CAND2: variants seen among roughly 807,000 people sequenced by gnomAD.
CAND2 encodes the protein cullin associated and neddylation dissociated 2 (putative).
In CAND2, 62 loss-of-function variants were observed where a neutral mutation model predicts 98.9. The observed-to-expected ratio is 0.63, with a 90% CI of 0.51 to 0.77. CAND2 has a LOEUF of 0.77. Among genes scored for constraint, CAND2 ranks in the 30% least tolerant of loss-of-function variants. CAND2 has a pLI of 0.00. For synonymous variants in CAND2, 770 were observed against 731.9 expected (o/e 1.05, Z -0.84); for missense variants, 1,501 against 1,655.2 (o/e 0.91, Z 1.62).
chr3:12,821,248 A>G (rs1425508607), intron 11 of CAND2, among the ~76,000 whole-genome samples: 1 of 151,750 alleles, frequency 6.6e-6, no homozygotes. Context: ...AAAAAAAAAA[A>G]AATTAGTTGG....
At chr3:12,800,467 A>G (rs940129924) in intron 1 of CAND2, among the ~76,000 whole-genome samples, 1 of 152,202 alleles carries the variant, frequency 6.6e-6, no homozygotes, top group Non-Finnish European at 1.5e-5. Flanking sequence ...CAGCAGGGTC[A>G]GTAAAAGCTG....
intron 1 of CAND2, among the ~76,000 whole-genome samples, chr3:12,798,956 GA>G (rs2061746502): frequency 1.3e-5 from 1 of 79,740 alleles, no homozygotes; most frequent in East Asian, 2.5e-4. Context: ...AGGTGGGGTG[GA>G]GGGAGACCTT....
In CAND2 at chr3:12,815,456, C is replaced by G; in HGVS notation, c.1299+23C>G. ...CAGGTGGGCGTGCCTTCACCTCCAC[C>G]CCTACCCCCGATTTGCCTACCCAGC... On this transcript the variant is annotated intron_variant, in intron 8 of 14. Coordinates refer to ENST00000456430, the MANE Select transcript of CAND2 (RefSeq NM_001162499.2). The surrounding 1 kb of genome is among the most constrained non-coding windows in gnomAD (Gnocchi z 5.7). 17 of 1,589,582 alleles carry G rather than the reference C, an allele frequency of 1.1e-5. No homozygotes were observed. Among genetic ancestry groups the G allele is most frequent in the Non-Finnish European group, 1.4e-5 (16 of 1,164,188 alleles).
Position 12,803,642 on chromosome 3 carries a change from G to T in CAND2, c.212+11G>T, listed in dbSNP as rs200725761. 1.4e-4 allele frequency: 224 copies of T among 1,591,590 alleles called. 2 individuals are homozygous for T. The South Asian group carries it at 2.5e-3, about 18-fold the overall frequency. On this transcript the variant is annotated intron_variant, in intron 2 of 14. Transcript: ENST00000456430. The stretch of plus-strand genomic sequence containing the variant: ...CCTGGCTGTCAAGTGGTGAGTGTCA[G>T]CCTCGGTGGAGCAGGAGAGGGGGCC...
rs759839357 is a variant in CAND2 at position 12,820,212 on chromosome 3, G to A, written c.3040+31G>A. 3.3e-6 allele frequency: 5 copies of A among 1,520,292 alleles called. No homozygotes were observed. In the East Asian group the frequency reaches 6.8e-5, roughly 21 times the overall value. 94.2% of individuals were successfully genotyped at this position (1,520,292 alleles called of 1,614,324 possible). A position where few individuals can be genotyped will look rare whatever the true frequency, so the allele number is the denominator to read the frequency against. ...CACCTACCTCTTGCCCCTCCACCTT[G>A]TTCAGTGCCCCCACCCAGTCCTTGA... On this transcript the variant is annotated intron_variant, in intron 11 of 14. Transcript: ENST00000456430.
chr3:12,814,850 C>T (rs879398952), intron 7 of CAND2, among the ~76,000 whole-genome samples: 4 of 152,122 alleles, frequency 2.6e-5, no homozygotes, highest in Admixed American at 2.0e-4. Flanking sequence ...GCCACTTCCT[C>T]TATCTAAACC....
intron 2 of CAND2, among the ~76,000 whole-genome samples, chr3:12,806,704 C>G (rs1203768504): frequency 6.6e-6 from 1 of 152,178 alleles, no homozygotes; most frequent in Non-Finnish European, 1.5e-5. Flanking sequence ...TTTACACTTT[C>G]CTGTGCATTG....
At chr3:12,799,613 T>G (rs1023331415) in intron 1 of CAND2, among the ~76,000 whole-genome samples, 3 of 152,198 alleles carry the variant, frequency 2.0e-5, no homozygotes, top group Non-Finnish European at 4.4e-5. Context: ...CTACCTCTCC[T>G]CCTGCTCTCA....
At chr3:12,810,010 A>G in intron 4 of CAND2, 49 bp from the exon 5 acceptor site, 1 of 1,380,556 alleles carries the variant, frequency 7.2e-7, no homozygotes. Flanking sequence ...AGCCTGGCCC[A>G]GGTTGCCCGC....
chr3:12,824,437 CAG>C (rs1415864722), intron 11 of CAND2, among the ~76,000 whole-genome samples: 1 of 152,140 alleles, frequency 6.6e-6, no homozygotes, highest in Non-Finnish European at 1.5e-5. Context: ...GCATGGGAGA[CAG>C]AGAGACGAGA....
chr3:12,833,999 G>C lies in CAND2; in HGVS notation c.*17G>C. 6.2e-7 allele frequency: 1 copy of C among 1,606,354 alleles called. No homozygotes were observed. The highest frequency in any genetic ancestry group is 8.5e-7 in the Non-Finnish European group (1 of 1,173,300). ...CTCAGCTAGTCCCCTCAGCACCAAG[G>C]TGGGCCCTCGCTTAAGAGAAAGGAG... is the stretch of plus-strand genomic sequence containing the variant. On this transcript the variant is annotated 3_prime_UTR_variant, in exon 15 of 15. Transcript: ENST00000456430.
chr3:12,799,222 A>G (rs535320388), intron 1 of CAND2, among the ~76,000 whole-genome samples: 8 of 152,102 alleles, frequency 5.3e-5, no homozygotes, highest in Non-Finnish European at 8.8e-5. Context: ...TCATGCTAAG[A>G]GCTAGATTGT....
intron 13 of CAND2, among the ~76,000 whole-genome samples, chr3:12,831,042 G>A (rs1395272187): frequency 1.3e-5 from 2 of 151,884 alleles, no homozygotes; most frequent in Non-Finnish European, 2.9e-5. Context: ...TTTGAAATCA[G>A]GTGTCAACAT....
At position 12,817,431 on chromosome 3, in the gene CAND2, C is replaced by G; in HGVS notation, c.2499C>G (p.Pro833=). 1 of 1,613,772 alleles carries G rather than the reference C, an allele frequency of 6.2e-7. No homozygotes were observed. The highest frequency in any genetic ancestry group is 8.5e-7 in the Non-Finnish European group (1 of 1,180,018). ...GCCTGGTCTGCGATGCCAGGTCGCC[C>G]CACTCCAGCACGGGGGTCAAGGTCC... ...ASRLVCDARS[P]HSSTGVKVLA... Residue 833 remains proline, a synonymous_variant, in exon 10 of 15, where the codon CCC becomes CCG. Coordinates refer to ENST00000456430, the MANE Select transcript of CAND2 (RefSeq NM_001162499.2).
chr3:12,810,554 A>G (rs911787754), intron 5 of CAND2, among the ~76,000 whole-genome samples: 1 of 152,152 alleles, frequency 6.6e-6, no homozygotes, highest in Non-Finnish European at 1.5e-5. Flanking sequence ...ATAGGGCTTG[A>G]GAGGCGCAGG....
chr3:12,810,134 G>T lies in CAND2; in HGVS notation c.567G>T (p.Leu189=). 6.6e-7 allele frequency: 1 copy of T among 1,522,822 alleles called. No homozygotes were observed. 94.3% of individuals were successfully genotyped at this position (1,522,822 alleles called of 1,614,324 possible). Residue 189 remains leucine (L), a synonymous_variant, in exon 5 of 15, where the codon CTG becomes CTT. Coordinates refer to ENST00000456430, the MANE Select transcript of CAND2 (RefSeq NM_001162499.2). ...TGCCACAGCTGAGCAGCCCGCGCCTGGCGGTGCGCAAGCGGGCGGTCGGAG... is the reference window on the plus strand; with the variant it reads ...TGCCACAGCTGAGCAGCCCGCGCCTTGCGGTGCGCAAGCGGGCGGTCGGAG... ...CLLPQLSSPR[L]AVRKRAVGAL... is the part of the protein sequence containing the mutation.
chr3:12,814,047 G>A (rs1377522651), intron 7 of CAND2, among the ~76,000 whole-genome samples: 1 of 152,232 alleles, frequency 6.6e-6, no homozygotes, highest in East Asian at 1.9e-4. Flanking sequence ...GCATGCGGGG[G>A]CCTTGAATGC....
At chr3:12,804,285 C>G (rs1034693397) in intron 2 of CAND2, among the ~76,000 whole-genome samples, 1 of 151,770 alleles carries the variant, frequency 6.6e-6, no homozygotes, top group African/African-American at 2.4e-5. Context: ...GAAACCCTGT[C>G]TCTACTAAAT....
At position 12,813,274 on chromosome 3, in the gene CAND2, C is replaced by G; in HGVS notation, c.892C>G (p.Pro298Ala). The G allele has an allele frequency of 6.2e-7, 1 of 1,613,716 alleles. No individual in the cohort carries two copies. Among genetic ancestry groups the G allele is most frequent in the Non-Finnish European group, 8.5e-7 (1 of 1,179,950 alleles). Residue 298 changes from proline (P) to alanine (A), a missense_variant, in exon 7 of 15, where the codon CCC becomes GCC. By Grantham distance (27) the Pro-to-Ala change is conservative. Around this residue, in one of 3 missense-constraint regions of CAND2, gnomAD observed 1,427 missense variants for 1,545.3 expected, o/e 0.92. Transcript: ENST00000456430. Reference protein sequence around the residue: ...KCPKEMGPHVPNVTSLCLQYI... With the variant: ...KCPKEMGPHVANVTSLCLQYI... ...CCCCAAGGAAATGGGTCCTCACGTG[C>G]CCAACGTGACCAGCCTCTGCCTCCA...
Sources: allele counts gnomAD v4.1 joint callset (sites outside exome capture counted in the v4.1 genomes callset), GRCh38; gene constraint gnomAD v4.1.1; regional missense constraint gnomAD v4.1.1; non-coding constraint Gnocchi (gnomAD v3.1); transcripts MANE v1.5; gene names NCBI Gene and HGNC (gene_info 2026-07-23, HGNC 2026-07-21).